The following CTNNA3 variants were observed in gnomAD, a reference collection of about 807,000 sequenced individuals.
CTNNA3 encodes catenin alpha-3.
A neutral mutation model predicts 95.7 loss-of-function variants in CTNNA3; 76 were observed. The ratio of observed to expected loss-of-function variants is 0.79; its 90% CI spans 0.66 to 0.96. The LOEUF is 0.96. Ranked by LOEUF, CTNNA3 falls within the 40% of genes least tolerant of loss-of-function variation. The pLI is 0.00. For synonymous variants in CTNNA3, 431 were observed against 374.4 expected (o/e 1.15, Z -1.74); for missense variants, 1,191 against 1,089.8 (o/e 1.09, Z -1.31).
Position 67,598,495 on chromosome 10 carries a change from C to T in CTNNA3, c.292+8362G>A, listed in dbSNP as rs745571043. On this transcript the variant is annotated intron_variant, in intron 3 of 17. Transcript: ENST00000433211. ...CCAACCACTTTCAATGCCTTCCTTC[C>T]GAAGTACTGTTCAGAATGTGCTGAT... 4.6e-5 allele frequency among the ~76,000 whole-genome samples: 7 copies of T among 151,926 alleles called. No individual in the cohort carries two copies. The East Asian group carries it at 7.7e-4, about 17-fold the overall frequency.
chr10:66,515,287 A>G (rs1338703723), intron 11 of CTNNA3, among the ~76,000 whole-genome samples: 1 of 150,506 alleles, frequency 6.6e-6, no homozygotes, highest in South Asian at 2.1e-4. Context: ...CTATCTATCT[A>G]TCTATCTATC....
intron 13 of CTNNA3, among the ~76,000 whole-genome samples, chr10:66,177,785 C>A (rs754002417): frequency 6.6e-6 from 1 of 151,694 alleles, no homozygotes; most frequent in African/African-American, 2.4e-5. Flanking sequence ...ATAAAAAGTG[C>A]CTTTAGAACA....
At position 67,026,661 on chromosome 10, in the gene CTNNA3, C is replaced by T. The variant is rs77252651; in HGVS notation, c.1047+153656G>A. Reference sequence around the variant, plus strand: ...AGGAGCTTAAACCCTGGGAGGAAACCAATTTCTTCATAAAGCATCTCTTTC... The same window carrying T: ...AGGAGCTTAAACCCTGGGAGGAAACTAATTTCTTCATAAAGCATCTCTTTC... On this transcript the variant is annotated intron_variant, in intron 7 of 17. Transcript: ENST00000433211. 3.3e-5 allele frequency among the ~76,000 whole-genome samples: 5 copies of T among 152,232 alleles called. No homozygotes were observed. The East Asian group carries it at 9.7e-4, about 29-fold the overall frequency.
At chr10:66,550,747 T>C (rs1842189074) in intron 10 of CTNNA3, among the ~76,000 whole-genome samples, 1 of 152,182 alleles carries the variant, frequency 6.6e-6, no homozygotes, top group African/African-American at 2.4e-5. Context: ...TTTTATTATC[T>C]CATTGTAATT....
At chr10:66,434,120 AT>A (rs2093319528) in intron 11 of CTNNA3, among the ~76,000 whole-genome samples, 1 of 151,918 alleles carries the variant, frequency 6.6e-6, no homozygotes, top group African/African-American at 2.4e-5. Context: ...TGTCTTGGCT[AT>A]ATGGGCTCTT....
intron 5 of CTNNA3, among the ~76,000 whole-genome samples, chr10:67,490,094 C>T (rs190600495): frequency 6.6e-6 from 1 of 152,216 alleles, no homozygotes; most frequent in East Asian, 1.9e-4. Context: ...TTCCATTGCC[C>T]ATGTTCTAAT....
chr10:66,924,491 C>T (rs1925580), intron 7 of CTNNA3, among the ~76,000 whole-genome samples: 133,784 of 151,780 alleles, frequency 0.88, 59,173 homozygotes, highest in East Asian at 0.99. Flanking sequence ...CATTATTAGT[C>T]ATGATCCACA....
chr10:67,117,752 T>C (rs1400402440), intron 7 of CTNNA3, among the ~76,000 whole-genome samples: 2 of 152,038 alleles, frequency 1.3e-5, no homozygotes, highest in Non-Finnish European at 2.9e-5. Context: ...TGAAAAAAGT[T>C]TGATAGTAAA....
intron 17 of CTNNA3, among the ~76,000 whole-genome samples, chr10:65,954,316 T>G (rs1387434823): frequency 2.0e-5 from 3 of 152,194 alleles, no homozygotes; most frequent in Non-Finnish European, 4.4e-5. Context: ...ATTGCAAAAA[T>G]TTTCTCCCAT....
At chr10:66,131,153 G>C (rs1025025345) in intron 13 of CTNNA3, among the ~76,000 whole-genome samples, 1 of 151,884 alleles carries the variant, frequency 6.6e-6, no homozygotes, top group Non-Finnish European at 1.5e-5. Context: ...AGAAGAGCTG[G>C]TGCCTTTCCT....
chr10:66,768,065 G>A (rs7899834), intron 8 of CTNNA3, among the ~76,000 whole-genome samples: 129,233 of 152,040 alleles, frequency 0.85, 55,222 homozygotes, highest in East Asian at 1. Flanking sequence ...GAAGTCAGGC[G>A]TAAGGTCACG....
intron 11 of CTNNA3, among the ~76,000 whole-genome samples, chr10:66,505,310 T>C (rs949843523): frequency 2.0e-5 from 3 of 152,312 alleles, no homozygotes; most frequent in South Asian, 4.1e-4. Context: ...AAAGCAATAA[T>C]GGATTACTTT....
At chr10:67,347,199 G>T (rs1221609425) in intron 5 of CTNNA3, among the ~76,000 whole-genome samples, 1 of 151,830 alleles carries the variant, frequency 6.6e-6, no homozygotes, top group Non-Finnish European at 1.5e-5. Context: ...ATGGGCATGA[G>T]CCACCAATGC....
intron 13 of CTNNA3, among the ~76,000 whole-genome samples, chr10:66,264,983 C>T (rs2091112843): frequency 6.6e-6 from 1 of 152,042 alleles, no homozygotes; most frequent in Non-Finnish European, 1.5e-5. Context: ...AACAGTTAAA[C>T]TGACCAATTA....
At chr10:67,644,627 T>C (rs1839647715) in intron 2 of CTNNA3, among the ~76,000 whole-genome samples, 3 of 152,008 alleles carry the variant, frequency 2.0e-5, no homozygotes, top group African/African-American at 7.2e-5. Flanking sequence ...ATATAACTCT[T>C]TGACTTTGAA....
chr10:65,998,656 G>A (rs1462059070), intron 15 of CTNNA3, among the ~76,000 whole-genome samples: 1 of 152,098 alleles, frequency 6.6e-6, no homozygotes, highest in Non-Finnish European at 1.5e-5. Context: ...AATTCTGAGA[G>A]GCCAAAATAC....
At chr10:67,380,016 G>A (rs1295468695) in intron 5 of CTNNA3, among the ~76,000 whole-genome samples, 53 of 71,312 alleles carry the variant, frequency 7.4e-4, no homozygotes, top group Non-Finnish European at 1.0e-3. Flanking sequence ...GTGAGACTCC[G>A]TCTCAAAAAA....
intron 10 of CTNNA3, among the ~76,000 whole-genome samples, chr10:66,570,220 C>G (rs976844173): frequency 3.3e-5 from 5 of 152,154 alleles, no homozygotes; most frequent in African/African-American, 1.2e-4. Context: ...CTAAATCCCA[C>G]AGAAAATCTT....
intron 7 of CTNNA3, among the ~76,000 whole-genome samples, chr10:66,899,653 C>T (rs896433675): frequency 6.6e-6 from 1 of 152,134 alleles, no homozygotes; most frequent in Non-Finnish European, 1.5e-5. Context: ...CCCCCAAATA[C>T]TGTGCTTTTC....
Sources: allele counts gnomAD v4.1 joint callset (sites outside exome capture counted in the v4.1 genomes callset), GRCh38; gene constraint gnomAD v4.1.1; transcripts MANE v1.5; gene names NCBI Gene and HGNC (gene_info 2026-07-23, HGNC 2026-07-21).